ACSS3: variants seen among roughly 807,000 people sequenced by gnomAD.
ACSS3 encodes acyl-CoA synthetase short chain family member 3.
Under a neutral mutation model 84.2 loss-of-function variants are expected in ACSS3, and 64 were observed. The ratio of observed to expected loss-of-function variants is 0.76; its 90% confidence interval spans 0.62 to 0.94. The LOEUF is 0.94. Among genes scored for constraint, ACSS3 ranks in the 40% least tolerant of loss-of-function variants. The pLI is 0.00. For synonymous variants in ACSS3, 317 were observed against 310.1 expected, an observed-to-expected ratio of 1.02 and a Z score of -0.23; for missense variants, 815 against 867.6, an observed-to-expected ratio of 0.94 and a Z score of 0.76.
chr12:81,118,564 A>T (rs1002203678), intron 2 of ACSS3, among the ~76,000 whole-genome samples: 1 of 152,152 alleles, frequency 6.6e-6, no homozygotes, highest in Non-Finnish European at 1.5e-5. Flanking sequence ...CTTGATGGGG[A>T]GTTAGGAGTT....
chr12:81,078,563 CA>C, intron 1 of ACSS3, 132 bp downstream of exon 1: 1 of 972,602 alleles, frequency 1.0e-6, no homozygotes, highest in Non-Finnish European at 1.5e-6. Context: ...TCAGACCCCT[CA>C]ATTCGTGTTT....
chr12:81,140,278 A>G (rs1886027767), intron 4 of ACSS3, among the ~76,000 whole-genome samples: 1 of 152,234 alleles, frequency 6.6e-6, no homozygotes, highest in African/African-American at 2.4e-5. Context: ...GATATCAATG[A>G]ATACAATTTA....
At chr12:81,251,662 T>A (rs1360574407) in intron 13 of ACSS3, among the ~76,000 whole-genome samples, 1 of 32,552 alleles carries the variant, frequency 3.1e-5, no homozygotes, top group Non-Finnish European at 1.1e-4. Context: ...CGAAACCCCA[T>A]CTCTACAAAA....
In ACSS3 at chr12:81,139,275, A is replaced by G. The variant is rs750849402; in HGVS notation, c.780+10A>G. 1.9e-6 allele frequency: 3 copies of G among 1,613,382 alleles called. No individual in the cohort carries two copies. Among genetic ancestry groups the G allele is most frequent in the South Asian group, 2.2e-5 (2 of 91,016 alleles). On this transcript the variant is annotated intron_variant, in intron 4 of 15. Coordinates refer to ENST00000548058, the MANE Select transcript of ACSS3 (RefSeq NM_024560.4). Reference sequence around the variant, plus strand: ...TAATCGTCCAAATATGGTAATCTGAATATTGAATTTGGTTCTTGCTTATGG... The same window carrying G: ...TAATCGTCCAAATATGGTAATCTGAGTATTGAATTTGGTTCTTGCTTATGG...
chr12:81,081,388 T>G (rs1880965210), intron 1 of ACSS3, among the ~76,000 whole-genome samples: 2 of 152,196 alleles, frequency 1.3e-5, no homozygotes, highest in South Asian at 4.1e-4. Context: ...TATACGTGAT[T>G]GCTTCTCCTC....
chr12:81,260,552 G>A lies in ACSS3; in HGVS notation c.*5630G>A, dbSNP rs1351643482. The A allele has an allele frequency of 6.6e-6, 1 of 152,102 alleles. No individual in the cohort carries two copies. The highest frequency in any genetic ancestry group is 1.9e-4 in the East Asian group (1 of 5,194). 9.4% of individuals were successfully genotyped at this position (152,102 alleles called of 1,614,324 possible). A position where few individuals can be genotyped will look rare whatever the true frequency, so the allele number is the denominator to read the frequency against. On this transcript the variant is annotated 3_prime_UTR_variant, in exon 16 of 16. Coordinates refer to ENST00000548058, the MANE Select transcript of ACSS3 (RefSeq NM_024560.4). ...ATATACTTTAAATCATGTCTAATTA[G>A]GTGCCAAATTATATACCATAATTAA...
At chr12:81,160,527 A>G (rs1447347424) in intron 7 of ACSS3, among the ~76,000 whole-genome samples, 2 of 152,226 alleles carry the variant, frequency 1.3e-5, no homozygotes, top group African/African-American at 2.4e-5. Flanking sequence ...TTATGTACCT[A>G]TATGACTTAA....
intron 5 of ACSS3, among the ~76,000 whole-genome samples, chr12:81,144,532 A>G (rs11611047): frequency 0.093 from 14,146 of 152,214 alleles, 722 homozygotes; most frequent in East Asian, 0.21. Context: ...CTGGAGTCCA[A>G]CTGAACATTT....
At chr12:81,081,010 C>T (rs917173987) in intron 1 of ACSS3, among the ~76,000 whole-genome samples, 2 of 152,178 alleles carry the variant, frequency 1.3e-5, no homozygotes, top group Non-Finnish European at 2.9e-5. Flanking sequence ...TAATTGTTCT[C>T]TCCTCTGTGG....
intron 1 of ACSS3, among the ~76,000 whole-genome samples, chr12:81,088,504 AG>A (rs1405848584): frequency 6.6e-6 from 1 of 152,002 alleles, no homozygotes; most frequent in South Asian, 2.1e-4. Flanking sequence ...CTAACAACTA[AG>A]CTTTTTATTG....
At chr12:81,085,109 G>T (rs898582628) in intron 1 of ACSS3, among the ~76,000 whole-genome samples, 2 of 152,212 alleles carry the variant, frequency 1.3e-5, no homozygotes, top group Non-Finnish European at 2.9e-5. Context: ...AAATAGGAAT[G>T]AAGGGAATTT....
intron 1 of ACSS3, 127 bp from the exon 2 acceptor site, chr12:81,109,433 G>A: frequency 1.0e-6 from 1 of 990,282 alleles, no homozygotes; most frequent in South Asian, 2.1e-5. Flanking sequence ...GTCATTACTT[G>A]ACATAGAATG....
At chr12:81,118,444 C>A (rs534529832) in intron 2 of ACSS3, among the ~76,000 whole-genome samples, 1 of 152,232 alleles carries the variant, frequency 6.6e-6, no homozygotes, top group South Asian at 2.1e-4. Context: ...GAGGAATGGA[C>A]ATGCTATTTT....
At chr12:81,231,765 C>G (rs995533578) in intron 12 of ACSS3, among the ~76,000 whole-genome samples, 15 of 151,766 alleles carry the variant, frequency 9.9e-5, no homozygotes, top group African/African-American at 3.6e-4. Context: ...ACTTGTTACT[C>G]CATGCCATGG....
At chr12:81,170,865 A>T (rs764902335) in intron 7 of ACSS3, among the ~76,000 whole-genome samples, 1 of 151,926 alleles carries the variant, frequency 6.6e-6, no homozygotes. Context: ...ATGCTTGTCT[A>T]TGTGTGTGTG....
At chr12:81,096,377 T>C (rs1882046368) in intron 1 of ACSS3, among the ~76,000 whole-genome samples, 2 of 152,164 alleles carry the variant, frequency 1.3e-5, no homozygotes, top group African/African-American at 4.8e-5. Flanking sequence ...ATGTGGTCCC[T>C]GCCTACAGAA....
chr12:81,149,462 A>G (rs938785812), intron 5 of ACSS3, among the ~76,000 whole-genome samples: 1 of 151,630 alleles, frequency 6.6e-6, no homozygotes, highest in Non-Finnish European at 1.5e-5. Flanking sequence ...TTATACTTTC[A>G]AACCTCTTAC....
Position 81,078,326 on chromosome 12 carries a change from C to T in ACSS3, c.206C>T (p.Ser69Leu), listed in dbSNP as rs999879332. The change falls in exon 1 of 16, where the codon TCG becomes TTG. Residue 69 changes from serine (S) to leucine (L), a missense_variant. Ser to Leu is a moderately radical substitution (Grantham distance 145, BLOSUM62 -2). Coordinates refer to ENST00000548058, the MANE Select transcript of ACSS3 (RefSeq NM_024560.4). ...GAGTACAAGACCCACTTCGCAGCCT[C>T]GGTGACCGACCCCGAGAGGTTCTGG... ...GSEYKTHFAA[S>L]VTDPERFWGK... 2 of 1,612,400 alleles carry T rather than the reference C, an allele frequency of 1.2e-6. No individual in the cohort carries two copies. The highest frequency in any genetic ancestry group is 2.7e-5 in the African/African-American group (2 of 74,870).
At chr12:81,144,283 G>T (rs961254326) in intron 5 of ACSS3, among the ~76,000 whole-genome samples, 5 of 152,148 alleles carry the variant, frequency 3.3e-5, no homozygotes, top group Non-Finnish European at 7.3e-5. Flanking sequence ...CTACCATTGT[G>T]CTGTATGTAG....
Sources: allele counts gnomAD v4.1 joint callset (sites outside exome capture counted in the v4.1 genomes callset), GRCh38; gene constraint gnomAD v4.1.1; transcripts MANE v1.5; gene names NCBI Gene and HGNC (gene_info 2026-07-23, HGNC 2026-07-21).